Variants in PDE8A observed in about 807,000 individuals in gnomAD.
PDE8A encodes the protein phosphodiesterase 8A, also known as high affinity cAMP-specific and IBMX-insensitive 3',5'-cyclic phosphodiesterase 8A.
Under a neutral mutation model 105.0 loss-of-function variants are expected in PDE8A, and 59 were observed. The ratio of observed to expected loss-of-function variants is 0.56; its 90% CI spans 0.46 to 0.70. The LOEUF (loss-of-function observed/expected upper bound fraction) is 0.70. Ranked by LOEUF, PDE8A falls within the 30% of genes least tolerant of loss-of-function variation. The probability of loss-of-function intolerance (pLI) is 0.00; values close to 1 mark genes in which losing one functional copy is unlikely to be tolerated. For missense variants in PDE8A, 1,014 were observed against 1,045.9 expected (o/e 0.97, Z 0.42); for synonymous variants, 355 against 371.9 (o/e 0.95, Z 0.52).
At chr15:85,034,837 C>T (rs1439110912) in intron 1 of PDE8A, among the ~76,000 whole-genome samples, 2 of 152,156 alleles carry the variant, frequency 1.3e-5, no homozygotes, top group African/African-American at 4.8e-5. Flanking sequence ...AGGCATGAGC[C>T]ATGAAACCTG....
intron 1 of PDE8A, among the ~76,000 whole-genome samples, chr15:85,054,943 G>A (rs1046375996): frequency 1.3e-5 from 2 of 151,848 alleles, no homozygotes; most frequent in Non-Finnish European, 2.9e-5. Flanking sequence ...TCTCTTGTGG[G>A]CATTTACTGC....
chr15:85,012,599 A>G (rs988650157), intron 1 of PDE8A, among the ~76,000 whole-genome samples: 1 of 151,484 alleles, frequency 6.6e-6, no homozygotes, highest in Non-Finnish European at 1.5e-5. Flanking sequence ...CCTAATGCTA[A>G]ATGACGAGTT....
chr15:85,119,471 A>AAAAAAAAAAAAAAAAAAAAACAAAC (rs1421406717), intron 17 of PDE8A, among the ~76,000 whole-genome samples: 4 of 149,256 alleles, frequency 2.7e-5, no homozygotes, highest in African/African-American at 1.0e-4. Flanking sequence ...CTCGTCTCAA[A>AAAAAAAAAAAAAAAAAAAAACAAAC]AAAAAAAAAA....
At chr15:85,104,061 C>T (rs1320275799) in intron 11 of PDE8A, among the ~76,000 whole-genome samples, 13 of 152,188 alleles carry the variant, frequency 8.5e-5, no homozygotes, top group Non-Finnish European at 2.9e-5. Context: ...TTTTCCCTGG[C>T]CCATGTGTTG....
In PDE8A at chr15:85,109,118, C is replaced by G; in HGVS notation, c.1102C>G (p.Arg368Gly). The G allele has an allele frequency of 1.2e-6, 2 of 1,607,132 alleles. No individual in the cohort carries two copies. The highest frequency in any genetic ancestry group is 2.2e-5 in the East Asian group (1 of 44,824). The change falls in exon 12 of 22, where the codon CGT (arginine) becomes GGT (glycine). Residue 368 changes from arginine (R) to glycine (G), a missense_variant. By Grantham distance (125) the Arg-to-Gly change is moderately radical. Coordinates refer to ENST00000394553, the MANE Select transcript of PDE8A (RefSeq NM_002605.3). ...ACTAGACGTCAAAGCTGTTGCCTCC[C>G]GTGCAACTGAAGGTGAGTGACAAAG... is the stretch of plus-strand genomic sequence containing the variant. ...GSLDVKAVAS[R>G]ATEVSSQRRH...
intron 1 of PDE8A, among the ~76,000 whole-genome samples, chr15:84,989,243 A>G (rs1282096417): frequency 6.6e-6 from 1 of 152,236 alleles, no homozygotes; most frequent in Non-Finnish European, 1.5e-5. Flanking sequence ...CCACACAGGA[A>G]GGATGTTGCA....
intron 1 of PDE8A, among the ~76,000 whole-genome samples, chr15:85,036,002 G>A (rs912792608): frequency 6.6e-6 from 1 of 152,204 alleles, no homozygotes; most frequent in Non-Finnish European, 1.5e-5. Flanking sequence ...CAGATCTGAG[G>A]TTGAAACTGA....
chr15:85,106,852 T>C (rs933804589), intron 11 of PDE8A, among the ~76,000 whole-genome samples: 29 of 152,294 alleles, frequency 1.9e-4, no homozygotes, highest in Non-Finnish European at 7.4e-5. Context: ...AGCCACAGAA[T>C]CAGAGTGGCT....
At chr15:85,122,471 A>G (rs1235001621) in intron 18 of PDE8A, among the ~76,000 whole-genome samples, 7 of 152,234 alleles carry the variant, frequency 4.6e-5, no homozygotes, top group Non-Finnish European at 1.0e-4. Context: ...ATATTTGCTT[A>G]TAGTTACATC....
chr15:85,083,408 T>G (rs781315604), intron 5 of PDE8A, 148 bp from the exon 6 acceptor site: 9 of 521,202 alleles, frequency 1.7e-5, no homozygotes, highest in Non-Finnish European at 2.7e-5. Flanking sequence ...CCATAAAGTT[T>G]CTCTCTTACC....
intron 2 of PDE8A, among the ~76,000 whole-genome samples, chr15:85,066,283 A>G (rs146620710): frequency 1.1e-4 from 17 of 152,264 alleles, no homozygotes; most frequent in Non-Finnish European, 2.5e-4. Flanking sequence ...GCATATGGCC[A>G]GGTGCAGTGG....
chr15:85,136,547 A>C lies in PDE8A; in HGVS notation c.2267A>C (p.Lys756Thr). ...TCTGCTTTACAGACTGATGAAGAGAAGCAGCAGGGCTTACCTGTGGTGATG... is the reference window on the plus strand; with the variant it reads ...TCTGCTTTACAGACTGATGAAGAGACGCAGCAGGGCTTACCTGTGGTGATG... The part of the protein sequence containing the change: ...EEYFSQTDEE[K>T]QQGLPVVMPV... The change falls in exon 21 of 22, where the codon AAG becomes ACG. Residue 756 changes from lysine (K) to threonine (T), a missense_variant. Transcript: ENST00000394553. The C allele has an allele frequency of 6.2e-7, 1 of 1,613,566 alleles. No homozygotes were observed.
chr15:85,013,850 T>G lies in PDE8A; in HGVS notation c.186+31502T>G, dbSNP rs140126475. On this transcript the variant is annotated intron_variant, in intron 1 of 21. Coordinates refer to ENST00000394553, the MANE Select transcript of PDE8A (RefSeq NM_002605.3). The stretch of plus-strand genomic sequence containing the variant: ...TCACTTCCAAGGTGCTTCACTCATA[T>G]GATTGGCCAAGTTAGTGCAGGATGT... Among the ~76,000 whole-genome samples the G allele has an allele frequency of 2.3e-3, 353 of 152,304 alleles. 2 individuals carry two copies. Among genetic ancestry groups the G allele is most frequent in the African/African-American group, 8.2e-3 (340 of 41,572 alleles).
At chr15:85,093,873 T>G (rs1596511541) in intron 8 of PDE8A, among the ~76,000 whole-genome samples, 1 of 151,644 alleles carries the variant, frequency 6.6e-6, no homozygotes, top group African/African-American at 2.4e-5. Context: ...TTTTTTTTTT[T>G]TCTTGAGACA....
intron 5 of PDE8A, among the ~76,000 whole-genome samples, chr15:85,078,547 T>C (rs1314900018): frequency 1.2e-4 from 1 of 8,180 alleles, no homozygotes; most frequent in Non-Finnish European, 2.5e-4. Flanking sequence ...ATACTCCATC[T>C]CAAAAAAAAA....
rs8035204 is a variant in PDE8A, at chr15:85,009,557, A to C, written c.186+27209A>C. ...AGGATTTCAGGCTGGAGAAGGGACT[A>C]TTGGCCATTGTATTTTTCCTGGCCA... On this transcript the variant is annotated intron_variant, in intron 1 of 21. Coordinates refer to ENST00000394553, the MANE Select transcript of PDE8A (RefSeq NM_002605.3). Among the ~76,000 whole-genome samples, 946 of 152,342 alleles carry C rather than the reference A, an allele frequency of 6.2e-3. 15 individuals carry two copies. The highest frequency in any genetic ancestry group is 0.022 in the African/African-American group (901 of 41,574).
intron 14 of PDE8A, chr15:85,115,138 C>T (rs2082076139): frequency 2.7e-6 from 1 of 370,220 alleles, no homozygotes; most frequent in Non-Finnish European, 4.8e-6. Flanking sequence ...GAATGCTGGG[C>T]TTAAAGACCA....
At chr15:85,027,272 G>A (rs185372378) in intron 1 of PDE8A, among the ~76,000 whole-genome samples, 1 of 152,278 alleles carries the variant, frequency 6.6e-6, no homozygotes, top group Non-Finnish European at 1.5e-5. Context: ...GTTTCCTAGA[G>A]TAGCAAACAA....
At position 85,071,111 on chromosome 15, in the gene PDE8A, C is replaced by G. The variant is rs974459447; in HGVS notation, c.434+3907C>G. Among the ~76,000 whole-genome samples the G allele has an allele frequency of 3.9e-5, 6 of 152,350 alleles. No individual in the cohort carries two copies. The South Asian group carries it at 1.2e-3, about 32-fold the overall frequency. On this transcript the variant is annotated intron_variant, in intron 3 of 21. Coordinates refer to ENST00000394553, the MANE Select transcript of PDE8A (RefSeq NM_002605.3). ...AGAGAACAGAAAAGGATAGGAATCT[C>G]TACTGTATCTGTCGTACCGTGGAGA...
Sources: gnomAD v4.1 joint callset for allele counts (sites outside exome capture counted in the v4.1 genomes callset) on GRCh38, gnomAD v4.1.1 for gene constraint, MANE v1.5 for transcripts, NCBI Gene and HGNC (gene_info 2026-07-23, HGNC 2026-07-21) for gene names.